UTY: variants seen among roughly 807,000 people sequenced by gnomAD.
UTY encodes ubiquitously transcribed tetratricopeptide repeat containing, Y-linked.
Under a neutral mutation model 32.5 loss-of-function variants are expected in UTY, and 12 were observed. That is an observed-to-expected ratio of 0.37 (90% CI 0.24 to 0.60). UTY has a LOEUF of 0.60. UTY is among the 20% of genes least tolerant of loss of function. UTY has a pLI of 0.69. For missense variants in UTY, 303 were observed against 299.2 expected (o/e 1.01, Z -0.09); for synonymous variants, 131 against 103.4 (o/e 1.27, Z -1.62).
At chrY:13,344,280 G>A (rs2061728667) in intron 17 of UTY, among the ~76,000 whole-genome samples, 1 of 34,137 alleles carries the variant, frequency 2.9e-5, no homozygotes, top group Middle Eastern at 0.013. Context: ...GTTTCATCAA[G>A]GAACACATAT....
At chrY:13,396,891 A>G in intron 7 of UTY, 27 bp downstream of exon 7, 1 of 306,126 alleles carries the variant, frequency 3.3e-6, no homozygotes, top group Non-Finnish European at 4.7e-6. Context: ...TTCTTTACTC[A>G]AAAGTATTTC....
At chrY:13,360,587 T>C in intron 10 of UTY, 59 bp from the exon 11 acceptor site, 2 of 270,684 alleles carry the variant, frequency 7.4e-6, no homozygotes, top group Admixed American at 9.4e-5. Context: ...GCCAAAAAGA[T>C]GAACTGTATT....
intron 27 of UTY, among the ~76,000 whole-genome samples, chrY:13,290,837 T>A: frequency 3.1e-5 from 1 of 32,502 alleles, no homozygotes; most frequent in Non-Finnish European, 7.5e-5. Flanking sequence ...AGTGCTGGGA[T>A]TACAGACGTG....
intron 3 of UTY, among the ~76,000 whole-genome samples, chrY:13,457,128 A>G (rs2076862296): frequency 3.0e-5 from 1 of 33,810 alleles, no homozygotes; most frequent in Non-Finnish European, 7.3e-5. Flanking sequence ...TTTCAAAACT[A>G]AACAATATCC....
At chrY:13,273,365 A>G (rs2056427812) in intron 27 of UTY, among the ~76,000 whole-genome samples, 1 of 33,877 alleles carries the variant, frequency 3.0e-5, no homozygotes, top group Admixed American at 2.7e-4. Context: ...TAACTACACA[A>G]AGAAGGTCCT....
At chrY:13,462,574 T>C in intron 3 of UTY, among the ~76,000 whole-genome samples, 4 of 33,088 alleles carry the variant, frequency 1.2e-4, no homozygotes. Context: ...TAGCATAATG[T>C]CTTTAAGGGA....
chrY:13,447,783 A>G, intron 4 of UTY, among the ~76,000 whole-genome samples: 1 of 33,709 alleles, frequency 3.0e-5, no homozygotes, highest in Non-Finnish European at 7.4e-5. Flanking sequence ...TTTGAATTAC[A>G]GGTAGAAGAC....
intron 2 of UTY, among the ~76,000 whole-genome samples, chrY:13,476,363 T>C: frequency 3.0e-5 from 1 of 33,776 alleles, no homozygotes; most frequent in Non-Finnish European, 7.3e-5. Flanking sequence ...CAACTGGAAA[T>C]GAAGTTCTAC....
chrY:13,395,276 C>T, intron 7 of UTY, among the ~76,000 whole-genome samples: 1 of 31,973 alleles, frequency 3.1e-5, no homozygotes, highest in Non-Finnish European at 7.6e-5. Flanking sequence ...CAGAGTTTTC[C>T]TTACCACATA....
At chrY:13,440,407 C>G in intron 4 of UTY, among the ~76,000 whole-genome samples, 1 of 33,146 alleles carries the variant, frequency 3.0e-5, no homozygotes, top group African/African-American at 1.2e-4. Flanking sequence ...TGTTGCCAAC[C>G]CTTGCTTTCA....
At chrY:13,362,054 C>T (rs2063601053) in intron 10 of UTY, among the ~76,000 whole-genome samples, 3 of 33,575 alleles carry the variant, frequency 8.9e-5, no homozygotes, top group Non-Finnish European at 1.5e-4. Flanking sequence ...GATTATCAGA[C>T]AAATCTGGCT....
At chrY:13,347,796 A>T (rs761242789) in intron 17 of UTY, among the ~76,000 whole-genome samples, 1 of 32,507 alleles carries the variant, frequency 3.1e-5, no homozygotes, top group Non-Finnish European at 7.5e-5. Context: ...TGAGCCGGTG[A>T]TCACCTTAAT....
At chrY:13,372,128 T>G in intron 8 of UTY, among the ~76,000 whole-genome samples, 1 of 33,267 alleles carries the variant, frequency 3.0e-5, no homozygotes, top group East Asian at 7.8e-4. Context: ...TTGCAGAAAA[T>G]GAAAAACTCA....
chrY:13,412,937 A>T, intron 5 of UTY, among the ~76,000 whole-genome samples: 1 of 33,557 alleles, frequency 3.0e-5, no homozygotes, highest in Non-Finnish European at 7.4e-5. Context: ...GTCCCCAGTG[A>T]AACCTGACAT....
intron 27 of UTY, among the ~76,000 whole-genome samples, chrY:13,296,834 C>CA (rs2058059973): frequency 3.0e-5 from 1 of 33,127 alleles, no homozygotes; most frequent in Non-Finnish European, 7.4e-5. Flanking sequence ...TGGCGAGAAA[C>CA]AGTTTACCAA....
chrY:13,261,435 G>T (rs2055258845), intron 27 of UTY, among the ~76,000 whole-genome samples: 1 of 33,334 alleles, frequency 3.0e-5, no homozygotes, highest in Non-Finnish European at 7.5e-5. Context: ...TGAGCATGAG[G>T]CTTTATCTGT....
At chrY:13,292,931 A>G in intron 27 of UTY, among the ~76,000 whole-genome samples, 1 of 33,429 alleles carries the variant, frequency 3.0e-5, no homozygotes, top group South Asian at 6.6e-4. Context: ...TGAGCAGCAT[A>G]TTAAAAGGAT....
intron 27 of UTY, among the ~76,000 whole-genome samples, chrY:13,289,373 GC>G (rs2057614959): frequency 8.8e-5 from 3 of 34,132 alleles, no homozygotes; most frequent in Non-Finnish European, 2.2e-4. Context: ...GCCTGGGCCT[GC>G]CTGGCCTAAA....
chrY:13,429,772 C>G, intron 4 of UTY, among the ~76,000 whole-genome samples: 1 of 32,840 alleles, frequency 3.0e-5, no homozygotes, highest in South Asian at 6.9e-4. Context: ...TCTGCCCTGA[C>G]TCATTCTCCA....
Sources: gnomAD v4.1 joint callset for allele counts (sites outside exome capture counted in the v4.1 genomes callset) on GRCh38, gnomAD v4.1.1 for gene constraint, MANE v1.5 for transcripts, NCBI Gene and HGNC (gene_info 2026-07-23, HGNC 2026-07-21) for gene names.